Variants in IL1RAPL2 observed in about 807,000 individuals in gnomAD.
IL1RAPL2 encodes the protein X-linked interleukin-1 receptor accessory protein-like 2.
In IL1RAPL2, 3 loss-of-function variants were observed where a neutral mutation model predicts 44.1. The ratio of observed to expected loss-of-function variants is 0.07; its 90% CI spans 0.03 to 0.18. The LOEUF (loss-of-function observed/expected upper bound fraction) is 0.18, where lower values mean the gene tolerates loss of function less well. Ranked by LOEUF, IL1RAPL2 falls within the 10% of genes least tolerant of loss-of-function variation. The pLI, the probability that IL1RAPL2 is intolerant of heterozygous loss-of-function variation, is 1.00. For synonymous variants in IL1RAPL2, 181 were observed against 178.8 expected (o/e 1.01, Z -0.10); for missense variants, 391 against 496.4 (o/e 0.79, Z 2.02).
At chrX:105,433,796 A>G (rs1486627746) in intron 5 of IL1RAPL2, among the ~76,000 whole-genome samples, 3 of 111,327 alleles carry the variant, frequency 2.7e-5, no homozygotes, top group African/African-American at 9.8e-5. Context: ...CTTGTGTGCA[A>G]GTAGATGGAC....
chrX:104,967,152 G>A lies in IL1RAPL2; in HGVS notation c.83-228323G>A, dbSNP rs184286562. ...ATGGGATATTTACTAAAATTGTCAC[G>A]TATTATGCCGTAAAGCAACTACCAA... On this transcript the variant is annotated intron_variant, in intron 2 of 10. Transcript: ENST00000372582. 3.8e-3 allele frequency among the ~76,000 whole-genome samples: 419 copies of A among 111,693 alleles called. 5 individuals carry two copies. In the South Asian group the frequency reaches 0.067, roughly 18 times the overall value.
intron 2 of IL1RAPL2, among the ~76,000 whole-genome samples, chrX:104,661,770 A>G (rs1317419413): frequency 8.9e-6 from 1 of 111,883 alleles, no homozygotes; most frequent in Non-Finnish European, 1.9e-5. Context: ...CTCATTGCCA[A>G]TCAAAGAGAT....
At chrX:105,314,590 A>G (rs2034822764) in intron 5 of IL1RAPL2, among the ~76,000 whole-genome samples, 1 of 111,604 alleles carries the variant, frequency 9.0e-6, no homozygotes, top group African/African-American at 3.3e-5. Flanking sequence ...ACCACACCTA[A>G]TTTCCCAAAA....
At chrX:104,930,830 T>C (rs1353147867) in intron 2 of IL1RAPL2, among the ~76,000 whole-genome samples, 1 of 111,739 alleles carries the variant, frequency 8.9e-6, no homozygotes, top group Non-Finnish European at 1.9e-5. Flanking sequence ...GGTGACATTA[T>C]TTTTCTTTTA....
chrX:104,624,002 G>T (rs777307910), intron 1 of IL1RAPL2, among the ~76,000 whole-genome samples: 2 of 111,903 alleles, frequency 1.8e-5, no homozygotes, highest in African/African-American at 6.5e-5. Context: ...TTTGTAAGTG[G>T]TTTAGCTTCC....
At chrX:105,117,897 A>G (rs1408646274) in intron 2 of IL1RAPL2, among the ~76,000 whole-genome samples, 1 of 112,200 alleles carries the variant, frequency 8.9e-6, no homozygotes, top group East Asian at 2.8e-4. Context: ...ACTACTGTAT[A>G]AACAAGCCAG....
At chrX:104,633,658 G>A (rs1195548849) in intron 1 of IL1RAPL2, among the ~76,000 whole-genome samples, 1 of 111,710 alleles carries the variant, frequency 9.0e-6, no homozygotes, top group Non-Finnish European at 1.9e-5. Flanking sequence ...TCTGATGGTA[G>A]CTTGTATTTC....
intron 5 of IL1RAPL2, among the ~76,000 whole-genome samples, chrX:105,310,615 T>G (rs914981589): frequency 8.9e-6 from 1 of 111,733 alleles, no homozygotes; most frequent in African/African-American, 3.2e-5. Context: ...TTTTTCCAAC[T>G]CCCTTAGCCA....
intron 2 of IL1RAPL2, among the ~76,000 whole-genome samples, chrX:104,908,400 T>G (rs1196191081): frequency 1.3e-4 from 15 of 111,672 alleles, no homozygotes; most frequent in Middle Eastern, 4.2e-3. Flanking sequence ...TCCTAGTCTC[T>G]ATGGTCTTTA....
chrX:105,038,888 C>A (rs959298483), intron 2 of IL1RAPL2, among the ~76,000 whole-genome samples: 2 of 111,118 alleles, frequency 1.8e-5, no homozygotes, highest in Admixed American at 1.9e-4. Context: ...CAGGACTATG[C>A]CCTTTGGAAT....
chrX:105,465,962 G>A (rs1241265475), intron 5 of IL1RAPL2, among the ~76,000 whole-genome samples: 2 of 111,292 alleles, frequency 1.8e-5, no homozygotes, highest in South Asian at 3.7e-4. Context: ...CAGGCTTGGC[G>A]GGCATACATT....
intron 6 of IL1RAPL2, among the ~76,000 whole-genome samples, chrX:105,548,871 A>T (rs2036829193): frequency 8.9e-6 from 1 of 112,411 alleles, no homozygotes; most frequent in Non-Finnish European, 1.9e-5. Flanking sequence ...TAGCATTATC[A>T]ATCTTTTTTA....
intron 2 of IL1RAPL2, among the ~76,000 whole-genome samples, chrX:105,078,884 C>T (rs768279252): frequency 4.1e-4 from 46 of 112,235 alleles, no homozygotes; most frequent in African/African-American, 7.4e-4. Flanking sequence ...GTTGGGAGGG[C>T]GCAGTATTAG....
At chrX:104,914,565 CT>C (rs1924353350) in intron 2 of IL1RAPL2, among the ~76,000 whole-genome samples, 6 of 111,320 alleles carry the variant, frequency 5.4e-5, no homozygotes, top group South Asian at 3.8e-4. Flanking sequence ...TGATTGCTTT[CT>C]TTTTTTATTA....
At chrX:105,089,199 A>G (rs2032512690) in intron 2 of IL1RAPL2, among the ~76,000 whole-genome samples, 1 of 110,993 alleles carries the variant, frequency 9.0e-6, no homozygotes, top group Admixed American at 9.7e-5. Context: ...TACTCCTCCA[A>G]CCTATTTTCA....
intron 5 of IL1RAPL2, among the ~76,000 whole-genome samples, chrX:105,344,803 A>G (rs2147701434): frequency 1.8e-5 from 2 of 112,082 alleles, no homozygotes; most frequent in South Asian, 7.5e-4. Context: ...TATATGCCAT[A>G]AATAGCTCTG....
intron 2 of IL1RAPL2, among the ~76,000 whole-genome samples, chrX:105,142,312 C>G (rs60799420): frequency 0.08 from 8,875 of 111,439 alleles, 863 homozygotes; most frequent in African/African-American, 0.27. Flanking sequence ...TTTGATCTTA[C>G]TGCTCATTTT....
intron 3 of IL1RAPL2, among the ~76,000 whole-genome samples, chrX:105,206,654 T>C (rs1475760499): frequency 1.8e-5 from 2 of 112,125 alleles, no homozygotes; most frequent in African/African-American, 6.5e-5. Flanking sequence ...TGATTAAAGA[T>C]GGATAATAGA....
intron 2 of IL1RAPL2, among the ~76,000 whole-genome samples, chrX:104,949,142 C>T (rs1925487591): frequency 9.1e-6 from 1 of 109,932 alleles, no homozygotes; most frequent in Non-Finnish European, 1.9e-5. Context: ...CTGGTTTAGT[C>T]TTGGGAGAGT....
Sources: gnomAD v4.1 joint callset for allele counts (sites outside exome capture counted in the v4.1 genomes callset) on GRCh38, gnomAD v4.1.1 for gene constraint, MANE v1.5 for transcripts, NCBI Gene and HGNC (gene_info 2026-07-23, HGNC 2026-07-21) for gene names.